PLEKHH2: variants seen among roughly 807,000 people sequenced by gnomAD.
The protein encoded by PLEKHH2 is pleckstrin homology domain-containing family H member 2.
In PLEKHH2, 129 loss-of-function variants were observed where a neutral mutation model predicts 187.9. The ratio of observed to expected loss-of-function variants is 0.69; its 90% CI spans 0.59 to 0.79. PLEKHH2 has a LOEUF of 0.79. Among genes scored for constraint, PLEKHH2 ranks in the 30% least tolerant of loss-of-function variants. The pLI is 0.00. For missense variants in PLEKHH2, 2,076 were observed against 1,751.2 expected, an observed-to-expected ratio of 1.19 and a Z score of -3.31; for synonymous variants, 686 against 605.6, an observed-to-expected ratio of 1.13 and a Z score of -1.95.
chr2:43,677,048 C>T (rs60104701), intron 2 of PLEKHH2, among the ~76,000 whole-genome samples: 6,096 of 152,182 alleles, frequency 0.04, 447 homozygotes, highest in African/African-American at 0.14. Flanking sequence ...GATGAATACT[C>T]TTGAGGTATA....
At chr2:43,728,282 C>T (rs1443351828) in intron 17 of PLEKHH2, among the ~76,000 whole-genome samples, 2 of 151,508 alleles carry the variant, frequency 1.3e-5, no homozygotes, top group African/African-American at 2.4e-5. Context: ...AGTTCGAGAC[C>T]AGCCTGGCCA....
rs1290286863 is a variant in PLEKHH2 at position 43,637,974 on chromosome 2, C to A, written c.-4+595C>A. 3.3e-5 allele frequency among the ~76,000 whole-genome samples: 5 copies of A among 152,298 alleles called. No individual in the cohort carries two copies. The South Asian group carries it at 1.0e-3, about 32-fold the overall frequency. On this transcript the variant is annotated intron_variant, in intron 1 of 29. Transcript: ENST00000282406. ...CTTTTTACCCGTCGATATTGTTGTG[C>A]GTAACGCTGTGGAAATAGAAGTCGA...
intron 11 of PLEKHH2, among the ~76,000 whole-genome samples, chr2:43,707,926 G>C (rs1033451331): frequency 1.3e-5 from 2 of 152,146 alleles, no homozygotes; most frequent in African/African-American, 4.8e-5. Context: ...CAATTAATCT[G>C]ATGTTAAAGT....
intron 2 of PLEKHH2, among the ~76,000 whole-genome samples, chr2:43,667,715 C>T (rs1215156811): frequency 1.3e-5 from 2 of 152,132 alleles, no homozygotes; most frequent in East Asian, 3.8e-4. Context: ...GGAATCCATT[C>T]ATATGAAATA....
chr2:43,655,175 A>C lies in PLEKHH2; in HGVS notation c.123+10379A>C, dbSNP rs558302460. On this transcript the variant is annotated intron_variant, in intron 2 of 29. Transcript: ENST00000282406. ...GTGCTATAATGATGCCTGGGCTAAA[A>C]AATAAATAAAAATAAAATAATAATA... Among the ~76,000 whole-genome samples the C allele has an allele frequency of 5.3e-5, 8 of 152,034 alleles. No homozygotes were observed. The South Asian group carries it at 1.7e-3, about 32-fold the overall frequency.
chr2:43,688,177 G>T (rs1668622032), intron 3 of PLEKHH2, among the ~76,000 whole-genome samples: 1 of 152,094 alleles, frequency 6.6e-6, no homozygotes, highest in Admixed American at 6.5e-5. Context: ...TATCAATAGA[G>T]TAAACATACA....
rs985283806 is a variant in PLEKHH2, at chr2:43,766,661, T to G, written c.*1063T>G. 2 of 152,390 alleles carry G rather than the reference T, an allele frequency of 1.3e-5. No individual in the cohort carries two copies. Among genetic ancestry groups the G allele is most frequent in the Admixed American group, 1.3e-4 (2 of 15,270 alleles). 9.4% of individuals were successfully genotyped at this position (152,390 alleles called of 1,614,324 possible). ...GGTTGCCCAGGCTGGAGTGCAGTGG[T>G]GCCATCATAGCTCACTGTAGCCTCG... On this transcript the variant is annotated 3_prime_UTR_variant, in exon 30 of 30. Coordinates refer to ENST00000282406, the MANE Select transcript of PLEKHH2 (RefSeq NM_172069.4).
intron 16 of PLEKHH2, among the ~76,000 whole-genome samples, chr2:43,722,484 A>G (rs1181979919): frequency 1.3e-5 from 2 of 152,110 alleles, no homozygotes; most frequent in African/African-American, 4.8e-5. Context: ...ATGAGCCCCA[A>G]CATCAGCCAC....
chr2:43,706,492 A>C, intron 10 of PLEKHH2, 76 bp downstream of exon 10: 1 of 1,070,682 alleles, frequency 9.3e-7, no homozygotes, highest in Non-Finnish European at 1.4e-6. Context: ...TTCAAGCTCC[A>C]GATTCCATTC....
chr2:43,675,726 G>C (rs567443655), intron 2 of PLEKHH2: 1 of 1,613,746 alleles, frequency 6.2e-7, no homozygotes, highest in Admixed American at 1.7e-5. Context: ...CAGAGTTATC[G>C]AGAAGTCTGT....
In PLEKHH2 at chr2:43,700,069, A is replaced by C. The variant is rs1340364845; in HGVS notation, c.1111A>C (p.Asn371His). The C allele has an allele frequency of 6.2e-7, 1 of 1,614,026 alleles. No individual in the cohort carries two copies. The highest frequency in any genetic ancestry group is 8.5e-7 in the Non-Finnish European group (1 of 1,180,000). The change falls in exon 8 of 30, where the codon AAT (asparagine) becomes CAT (histidine). Residue 371 changes from asparagine to histidine, a missense_variant. Asn to His is a moderately conservative substitution (Grantham distance 68). Coordinates refer to ENST00000282406, the MANE Select transcript of PLEKHH2 (RefSeq NM_172069.4). Reference sequence around the variant, plus strand: ...TCTAAATAGTCCTCTTGGAAAGGGAAATTCTGAATTAAGTAAAAAGGAACA... The same window carrying C: ...TCTAAATAGTCCTCTTGGAAAGGGACATTCTGAATTAAGTAAAAAGGAACA... Reference protein sequence around the residue: ...KALNSPLGKGNSELSKKEQDS... With the variant: ...KALNSPLGKGHSELSKKEQDS...
intron 15 of PLEKHH2, among the ~76,000 whole-genome samples, chr2:43,719,513 C>T (rs962184820): frequency 2.0e-5 from 3 of 152,186 alleles, no homozygotes; most frequent in African/African-American, 7.2e-5. Context: ...GATCTCTGCT[C>T]ACTGCAAACT....
chr2:43,647,595 CATT>C, intron 2 of PLEKHH2, among the ~76,000 whole-genome samples: 1 of 152,114 alleles, frequency 6.6e-6, no homozygotes, highest in Non-Finnish European at 1.5e-5. Context: ...ATTTACCTAA[CATT>C]ATGTATTTTT....
At chr2:43,638,530 C>A (rs116051302) in intron 1 of PLEKHH2, among the ~76,000 whole-genome samples, 56 of 152,286 alleles carry the variant, frequency 3.7e-4, no homozygotes, top group African/African-American at 1.3e-3. Context: ...CCAAAAATCA[C>A]TGGGGGTATT....
intron 6 of PLEKHH2, among the ~76,000 whole-genome samples, chr2:43,696,703 G>A (rs1669108248): frequency 6.6e-6 from 1 of 151,946 alleles, no homozygotes; most frequent in Admixed American, 6.6e-5. Flanking sequence ...AGTCATTACA[G>A]TTATCATGGG....
intron 1 of PLEKHH2, among the ~76,000 whole-genome samples, chr2:43,639,957 A>T (rs1340508888): frequency 6.6e-6 from 1 of 152,150 alleles, no homozygotes; most frequent in East Asian, 1.9e-4. Flanking sequence ...GCACCCAGCC[A>T]GATCTACTAC....
chr2:43,730,833 C>A (rs191481482), intron 18 of PLEKHH2, among the ~76,000 whole-genome samples: 1 of 152,156 alleles, frequency 6.6e-6, no homozygotes, highest in Non-Finnish European at 1.5e-5. Flanking sequence ...TTTAGGAATG[C>A]CTTCAAGTTC....
At chr2:43,658,199 C>A (rs1374891770) in intron 2 of PLEKHH2, among the ~76,000 whole-genome samples, 2 of 152,154 alleles carry the variant, frequency 1.3e-5, no homozygotes, top group African/African-American at 4.8e-5. Context: ...TTCCTATTTA[C>A]TCACTTGTTT....
Position 43,707,489 on chromosome 2 carries a change from C to G in PLEKHH2, c.1910C>G (p.Ser637Ter). 6.2e-7 allele frequency: 1 copy of G among 1,614,106 alleles called. No homozygotes were observed. The highest frequency in any genetic ancestry group is 8.5e-7 in the Non-Finnish European group (1 of 1,180,014). Residue 637 changes from serine (S) to a stop codon, truncating the protein, a stop_gained, in exon 11 of 30, where the codon TCA becomes TGA. Transcript: ENST00000282406. LOFTEE classifies it high-confidence loss of function. ...AGCTCCAGATCCAGCTCCCGGACGT[C>G]AGAGTCAGACTCACGCAGTAGGAGT... Reference protein sequence around the residue: ...EDSSRSSSRTSESDSRSRSGP... With the variant: ...EDSSRSSSRT
Sources: gnomAD v4.1 joint callset for allele counts (sites outside exome capture counted in the v4.1 genomes callset) on GRCh38, gnomAD v4.1.1 for gene constraint, MANE v1.5 for transcripts, NCBI Gene and HGNC (gene_info 2026-07-23, HGNC 2026-07-21) for gene names.